Variants in KCNMA1 observed in about 807,000 individuals in gnomAD.
The protein encoded by KCNMA1 is potassium calcium-activated channel subfamily M alpha 1.
In KCNMA1, 29 loss-of-function variants were observed where a neutral mutation model predicts 140.0. The observed-to-expected ratio is 0.21, with a 90% CI of 0.15 to 0.28. The LOEUF (loss-of-function observed/expected upper bound fraction) is 0.28. KCNMA1 is among the 10% of genes least tolerant of loss of function. KCNMA1 has a pLI of 1.00. For missense variants in KCNMA1, 880 were observed against 1,602.2 expected, an observed-to-expected ratio of 0.55 and a Z score of 7.70; for synonymous variants, 612 against 611.9, an observed-to-expected ratio of 1.00 and a Z score of 0.00.
intron 2 of KCNMA1, among the ~76,000 whole-genome samples, chr10:77,403,207 A>G (rs1277514355): frequency 6.6e-6 from 1 of 152,180 alleles, no homozygotes; most frequent in East Asian, 1.9e-4. Context: ...GAGATGTTGG[A>G]AACATACAGA....
At chr10:77,046,649 C>G (rs1458033355) in intron 14 of KCNMA1, among the ~76,000 whole-genome samples, 1 of 152,220 alleles carries the variant, frequency 6.6e-6, no homozygotes, top group Admixed American at 6.5e-5. Flanking sequence ...GTCAGATTCT[C>G]TCCTCCTCTA....
At chr10:77,238,890 A>C (rs908189419) in intron 3 of KCNMA1, among the ~76,000 whole-genome samples, 3 of 152,214 alleles carry the variant, frequency 2.0e-5, no homozygotes, top group Non-Finnish European at 4.4e-5. Flanking sequence ...TTTGACCCAC[A>C]AAAGAACCAC....
intron 29 of KCNMA1, among the ~76,000 whole-genome samples, chr10:76,879,799 AT>A (rs1396094444): frequency 1.3e-5 from 2 of 152,218 alleles, no homozygotes; most frequent in Non-Finnish European, 2.9e-5. Flanking sequence ...GTGGAAACCA[AT>A]TTTTTGTGAT....
intron 16 of KCNMA1, among the ~76,000 whole-genome samples, chr10:77,021,889 C>T (rs2092903479): frequency 6.6e-6 from 1 of 152,236 alleles, no homozygotes; most frequent in South Asian, 2.1e-4. Flanking sequence ...TAAAGATGCT[C>T]TTGGCGCTGA....
chr10:77,019,066 G>A lies in KCNMA1; in HGVS notation c.1962C>T (p.Ile654=). The A allele has an allele frequency of 6.3e-7, 1 of 1,588,952 alleles. No homozygotes were observed. Among genetic ancestry groups the A allele is most frequent in the Non-Finnish European group, 8.6e-7 (1 of 1,157,404 alleles). ...TGAAAAATCCTAAAGTACCTTCTTG[G>A]ATCTTAAGATGGTTTCCAGGATTAA... ...ILINPGNHLK[I]QEGTLGFFIA... Residue 654 remains isoleucine (I), a synonymous_variant, in exon 17 of 28, where the codon ATC becomes ATT. Transcript: ENST00000286628.
intron 3 of KCNMA1, among the ~76,000 whole-genome samples, chr10:77,209,539 T>C (rs1461211272): frequency 4.6e-5 from 7 of 152,264 alleles, no homozygotes; most frequent in African/African-American, 1.7e-4. Context: ...AATCATAAAT[T>C]TGAACCTTAA....
At chr10:77,381,206 C>T (rs1432532182) in intron 2 of KCNMA1, among the ~76,000 whole-genome samples, 1 of 151,946 alleles carries the variant, frequency 6.6e-6, no homozygotes, top group Non-Finnish European at 1.5e-5. Context: ...GACAAAAAGC[C>T]CTGCTTTTAT....
At chr10:77,432,591 GA>G (rs1603618259) in intron 1 of KCNMA1, among the ~76,000 whole-genome samples, 1 of 152,332 alleles carries the variant, frequency 6.6e-6, no homozygotes, top group East Asian at 1.9e-4. Context: ...AGAGGCCCAT[GA>G]AAGGGAAAGG....
chr10:77,346,034 G>A (rs1603279174), intron 2 of KCNMA1, among the ~76,000 whole-genome samples: 1 of 152,284 alleles, frequency 6.6e-6, no homozygotes, highest in East Asian at 1.9e-4. Context: ...ATGCTTCCCA[G>A]GACCCTGCAT....
intron 1 of KCNMA1, 195 bp downstream of exon 1, chr10:77,637,070 T>C: frequency 7.4e-7 from 1 of 1,352,606 alleles, no homozygotes; most frequent in Non-Finnish European, 9.7e-7. Context: ...TGGGGGCAAC[T>C]CCTCACCCCC....
rs756524600 is a variant in KCNMA1, at chr10:77,084,693, G to A, written c.1467C>T (p.Ile489=). 2.5e-6 allele frequency: 4 copies of A among 1,613,974 alleles called. No individual in the cohort carries two copies. The highest frequency in any genetic ancestry group is 1.6e-4 in the Middle Eastern group (1 of 6,062). The part of the protein sequence containing the change: ...VKIESADACL[I]LANKYCADPD... ...GGTCAGCGCAGTACTTGTTGGCAAG[G>A]ATCAGGCATGCATCTGCTGACTCTA... The change falls in exon 12 of 28, where the codon ATC becomes ATT. Residue 489 remains isoleucine, a synonymous_variant. Transcript: ENST00000286628.
chr10:77,218,992 T>C (rs1365095642), intron 3 of KCNMA1, among the ~76,000 whole-genome samples: 1 of 152,140 alleles, frequency 6.6e-6, no homozygotes, highest in African/African-American at 2.4e-5. Context: ...TGGCCTTATT[T>C]TTTTTATTAT....
chr10:77,535,197 A>T (rs1303214498), intron 1 of KCNMA1, among the ~76,000 whole-genome samples: 1 of 152,212 alleles, frequency 6.6e-6, no homozygotes, highest in Admixed American at 6.5e-5. Context: ...AGGACGCTCT[A>T]ACATCCCAAA....
chr10:77,130,099 A>G (rs1032578787), intron 5 of KCNMA1, among the ~76,000 whole-genome samples: 1 of 152,190 alleles, frequency 6.6e-6, no homozygotes, highest in Non-Finnish European at 1.5e-5. Context: ...CTGAGGACCA[A>G]AAACTGACTC....
At position 77,196,137 on chromosome 10, in the gene KCNMA1, T is replaced by A. The variant is rs1045987724; in HGVS notation, c.603-11221A>T. On this transcript the variant is annotated intron_variant, in intron 3 of 27. Transcript: ENST00000286628. ...CTATCTTTGAACTTCTCTAGAGATGTTATTCCTATCATTATAAAAACATCT... is the reference window on the plus strand; with the variant it reads ...CTATCTTTGAACTTCTCTAGAGATGATATTCCTATCATTATAAAAACATCT... 2.6e-5 allele frequency among the ~76,000 whole-genome samples: 4 copies of A among 152,122 alleles called. No individual in the cohort carries two copies. In the East Asian group the frequency reaches 7.7e-4, roughly 29 times the overall value.
At chr10:77,401,182 T>C (rs1236223023) in intron 2 of KCNMA1, among the ~76,000 whole-genome samples, 1 of 151,272 alleles carries the variant, frequency 6.6e-6, no homozygotes, top group African/African-American at 2.4e-5. Context: ...GGAGTCTTGC[T>C]CTGTCACCCA....
chr10:76,887,305 G>A lies in KCNMA1; in HGVS notation c.3672C>T (p.Ser1224=). Residue 1224 remains serine, a synonymous_variant, in exon 28 of 28, where the codon TCC becomes TCT. Transcript: ENST00000286628. ...NRQNRPKSRE[S]RDKQKYVQEE... is the part of the protein sequence containing the mutation. Reference sequence around the variant, plus strand: ...CCTGCACGTACTTCTGTTTGTCCCGGGACTCCCTGGACTTGGGCCGGTTCT... The same window carrying A: ...CCTGCACGTACTTCTGTTTGTCCCGAGACTCCCTGGACTTGGGCCGGTTCT... 6.2e-7 allele frequency: 1 copy of A among 1,614,094 alleles called. No homozygotes were observed. Among genetic ancestry groups the A allele is most frequent in the East Asian group, 2.2e-5 (1 of 44,864 alleles).
intron 2 of KCNMA1, among the ~76,000 whole-genome samples, chr10:77,367,065 G>C (rs2094410967): frequency 1.3e-5 from 2 of 152,200 alleles, no homozygotes; most frequent in Admixed American, 1.3e-4. Flanking sequence ...GAGCAAAATA[G>C]CATGCATACT....
In KCNMA1 at chr10:77,183,341, G is replaced by A. The variant is rs543129645; in HGVS notation, c.808+80C>T. ...ATACAACATTGTTTGTAGGGAGACA[G>A]CCCCCTCATCCACTGCAAATTCTGT... On this transcript the variant is annotated intron_variant, in intron 5 of 27. Transcript: ENST00000286628. 7.8e-6 allele frequency: 7 copies of A among 899,660 alleles called. No homozygotes were observed. The South Asian group carries it at 7.9e-5, about 10-fold the overall frequency. 55.7% of individuals were successfully genotyped at this position (899,660 alleles called of 1,614,324 possible).
Sources: allele counts gnomAD v4.1 joint callset (sites outside exome capture counted in the v4.1 genomes callset), GRCh38; gene constraint gnomAD v4.1.1; transcripts MANE v1.5; gene names NCBI Gene and HGNC (gene_info 2026-07-23, HGNC 2026-07-21).